The following GAS2L3 variants were observed in gnomAD, a reference collection of about 807,000 sequenced individuals.
GAS2L3 encodes growth arrest specific 2 like 3.
In GAS2L3, 28 loss-of-function variants were observed where a neutral mutation model predicts 37.0. The ratio of observed to expected loss-of-function variants is 0.76; its 90% CI spans 0.56 to 1.04. The LOEUF is 1.04. Among genes scored for constraint, GAS2L3 ranks in the 50% least tolerant of loss-of-function variants. The pLI is 0.00. For synonymous variants in GAS2L3, 290 were observed against 296.6 expected, an observed-to-expected ratio of 0.98 and a Z score of 0.23; for missense variants, 793 against 817.6, an observed-to-expected ratio of 0.97 and a Z score of 0.37.
At chr12:100,605,713 T>A (rs1431664870) in intron 5 of GAS2L3, among the ~76,000 whole-genome samples, 1 of 151,920 alleles carries the variant, frequency 6.6e-6, no homozygotes, top group Non-Finnish European at 1.5e-5. Context: ...TTTCAAGAAA[T>A]TTTTCAATTT....
At chr12:100,575,445 G>A (rs1214497207) in intron 1 of GAS2L3, among the ~76,000 whole-genome samples, 1 of 144,494 alleles carries the variant, frequency 6.9e-6, no homozygotes, top group Non-Finnish European at 1.5e-5. Context: ...AAACCTCTTA[G>A]TAATCCTAAA....
In GAS2L3 at chr12:100,617,641, CTG is replaced by C. The variant is rs1187838479; in HGVS notation, c.446-101_446-100del. On this transcript the variant is annotated intron_variant, in intron 6 of 9. Transcript: ENST00000547754. ...CATTTTTTCTAAACAAGTAAACCTG[CTG>C]TCTTCATTATTCTTTTTTATTTAAC... The C allele has an allele frequency of 7.9e-5, 57 of 720,328 alleles. 1 individual carries two copies. In the Middle Eastern group the frequency reaches 1.3e-3, roughly 16 times the overall value. 44.6% of individuals were successfully genotyped at this position (720,328 alleles called of 1,614,324 possible). A position where few individuals can be genotyped will look rare whatever the true frequency, so the allele number is the denominator to read the frequency against.
At chr12:100,600,575 A>C (rs770361336) in intron 4 of GAS2L3, 25 bp downstream of exon 4, 2 of 1,572,236 alleles carry the variant, frequency 1.3e-6, no homozygotes, top group African/African-American at 2.7e-5. Context: ...AATACCCAAA[A>C]TTGTATTATC....
intron 2 of GAS2L3, 96 bp from the exon 3 acceptor site, chr12:100,594,779 G>A (rs373560338): frequency 7.4e-6 from 3 of 405,600 alleles, no homozygotes; most frequent in Non-Finnish European, 9.1e-6. Context: ...GTTTGCAGTC[G>A]AGTAAACACA....
chr12:100,624,839 AGAT>A lies in GAS2L3; in HGVS notation c.2040_2042del (p.Asp681del), dbSNP rs776070443. On this transcript the variant is annotated inframe_deletion, in exon 10 of 10. Coordinates refer to ENST00000547754, the MANE Select transcript of GAS2L3 (RefSeq NM_174942.3). ...AAAAACCTACTGCAAAGAAAAAGGAAGATGATGACCATTATTTTGTCATGACTG... is the reference window on the plus strand; with the variant it reads ...AAAAACCTACTGCAAAGAAAAAGGAAGATGACCATTATTTTGTCATGACTG... 15 of 1,609,244 alleles carry A rather than the reference AGAT, an allele frequency of 9.3e-6. No individual in the cohort carries two copies. The African/African-American group carries it at 1.1e-4, about 11-fold the overall frequency.
Position 100,617,798 on chromosome 12 carries a change from T to C in GAS2L3, c.500T>C (p.Ile167Thr). 6.3e-7 allele frequency: 1 copy of C among 1,590,782 alleles called. No homozygotes were observed. The highest frequency in any genetic ancestry group is 1.1e-5 in the South Asian group (1 of 90,408). ...CTTTGTCTTCTTGAAATTGGTCGAA[T>C]TGTGTCAAGGTATGTATTCCACAAT... ...VYLCLLEIGR[I>T]VSRYGVEPPV... Residue 167 changes from isoleucine to threonine, a missense_variant, in exon 7 of 10, where the codon ATT (isoleucine) becomes ACT (threonine). Physicochemically the swap from Ile to Thr is moderately conservative, Grantham distance 89 (BLOSUM62 -1). Coordinates refer to ENST00000547754, the MANE Select transcript of GAS2L3 (RefSeq NM_174942.3).
rs761753143 is a variant in GAS2L3, at chr12:100,628,153, A to T, written c.*3263A>T. 5.3e-5 allele frequency: 8 copies of T among 152,210 alleles called. No individual in the cohort carries two copies. The highest frequency in any genetic ancestry group is 1.2e-4 in the Non-Finnish European group (8 of 68,034). 9.4% of individuals were successfully genotyped at this position (152,210 alleles called of 1,614,324 possible). A position where few individuals can be genotyped will look rare whatever the true frequency, so the allele number is the denominator to read the frequency against. On this transcript the variant is annotated 3_prime_UTR_variant, in exon 10 of 10. Coordinates refer to ENST00000547754, the MANE Select transcript of GAS2L3 (RefSeq NM_174942.3). ...AAGGCTTCAACAACAGGTTGTTAGG[A>T]TGTAGTCTTACATCCAGGTTCACAT...
intron 8 of GAS2L3, among the ~76,000 whole-genome samples, chr12:100,621,882 G>GGAGAGAGA (rs1205356059): frequency 0.03 from 2,452 of 80,932 alleles, 50 homozygotes; most frequent in East Asian, 0.095. Context: ...GGTGGGGGGG[G>GGAGAGAGA]GAGAGAGAGA....
intron 1 of GAS2L3, chr12:100,580,282 G>GT: frequency 2.4e-6 from 1 of 415,242 alleles, no homozygotes; most frequent in Non-Finnish European, 4.3e-6. Context: ...GGGGGCTTGT[G>GT]TTTTTTATTA....
At chr12:100,605,756 G>A (rs1956048304) in intron 5 of GAS2L3, among the ~76,000 whole-genome samples, 1 of 151,526 alleles carries the variant, frequency 6.6e-6, no homozygotes, top group Admixed American at 6.6e-5. Context: ...CCACTGGTCG[G>A]TCATTCAGAA....
At chr12:100,589,042 T>C (rs1458440793) in intron 1 of GAS2L3, among the ~76,000 whole-genome samples, 1 of 152,198 alleles carries the variant, frequency 6.6e-6, no homozygotes, top group Non-Finnish European at 1.5e-5. Flanking sequence ...TGAGGTGATG[T>C]ACATCCTCAG....
intron 1 of GAS2L3, chr12:100,579,293 G>C: frequency 1.6e-6 from 1 of 627,774 alleles, no homozygotes; most frequent in South Asian, 1.9e-5. Context: ...TATCATTTGC[G>C]TTTCTTATAC....
intron 1 of GAS2L3, among the ~76,000 whole-genome samples, chr12:100,575,680 A>G (rs1401562261): frequency 2.0e-5 from 3 of 151,780 alleles, no homozygotes; most frequent in South Asian, 2.1e-4. Context: ...GGGTTTCACC[A>G]TGTTGGCCAG....
chr12:100,625,513 A>G lies in GAS2L3; in HGVS notation c.*623A>G, dbSNP rs983892840. ...AGGAACTGATTGTTTCATGTGGCTT[A>G]TATTTACATTGGTAATATTTTGTCA... On this transcript the variant is annotated 3_prime_UTR_variant, in exon 10 of 10. Transcript: ENST00000547754. 1 of 152,186 alleles carries G rather than the reference A, an allele frequency of 6.6e-6. No individual in the cohort carries two copies. The highest frequency in any genetic ancestry group is 2.4e-5 in the African/African-American group (1 of 41,450). 9.4% of individuals were successfully genotyped at this position (152,186 alleles called of 1,614,324 possible).
intron 1 of GAS2L3, among the ~76,000 whole-genome samples, chr12:100,581,450 A>G (rs866497307): frequency 1.3e-5 from 2 of 152,220 alleles, no homozygotes; most frequent in South Asian, 2.1e-4. Context: ...ATAAGGAGGC[A>G]CTTGTGGGTG....
intron 5 of GAS2L3, among the ~76,000 whole-genome samples, chr12:100,602,452 GTATA>G (rs1002198638): frequency 4.0e-5 from 6 of 151,046 alleles, no homozygotes; most frequent in East Asian, 3.9e-4. Flanking sequence ...TGATATGTGT[GTATA>G]TATATATAAT....
intron 4 of GAS2L3, 27 bp from the exon 5 acceptor site, chr12:100,601,611 A>T: frequency 3.0e-6 from 3 of 984,470 alleles, no homozygotes; most frequent in Non-Finnish European, 4.9e-6. Flanking sequence ...TTTCTAGAAG[A>T]TTCTTAACTT....
Position 100,600,384 on chromosome 12 carries a change from A to G in GAS2L3, c.21A>G (p.Val7=). The G allele has an allele frequency of 1.9e-6, 3 of 1,561,410 alleles. No individual in the cohort carries two copies. Among genetic ancestry groups the G allele is most frequent in the Non-Finnish European group, 2.6e-6 (3 of 1,159,076 alleles). The change falls in exon 4 of 10, where the codon GTA becomes GTG. Residue 7 remains valine, a splice_region_variant and synonymous_variant. Coordinates refer to ENST00000547754, the MANE Select transcript of GAS2L3 (RefSeq NM_174942.3). The stretch of plus-strand genomic sequence containing the variant: ...TGATTGATTTTTTTTTTCTTTAGGT[A>G]TGGTTTGGAGAAGATCTGCCTCTAA... MQPAIQ[V]WFGEDLPLSP...
At chr12:100,588,796 A>G (rs1371892742) in intron 1 of GAS2L3, among the ~76,000 whole-genome samples, 2 of 152,168 alleles carry the variant, frequency 1.3e-5, no homozygotes, top group African/African-American at 4.8e-5. Context: ...TCCTTGCTAG[A>G]AAAAGAACTT....
Sources: gnomAD v4.1 joint callset for allele counts (sites outside exome capture counted in the v4.1 genomes callset) on GRCh38, gnomAD v4.1.1 for gene constraint, MANE v1.5 for transcripts, NCBI Gene and HGNC (gene_info 2026-07-23, HGNC 2026-07-21) for gene names.